NRIP1: variants seen among roughly 807,000 people sequenced by gnomAD.
The protein encoded by NRIP1 is nuclear receptor interacting protein 1, also known as nuclear receptor-interacting protein 1.
In NRIP1, 28 loss-of-function variants were observed where a neutral mutation model predicts 75.0. That is an observed-to-expected ratio of 0.37 (90% CI 0.28 to 0.51). The LOEUF is 0.51. NRIP1 is among the 20% of genes least tolerant of loss of function. NRIP1 has a pLI of 0.92. For missense variants in NRIP1, 1,435 were observed against 1,343.7 expected, an observed-to-expected ratio of 1.07 and a Z score of -1.06; for synonymous variants, 526 against 487.6, an observed-to-expected ratio of 1.08 and a Z score of -1.04.
chr21:15,058,005 CTT>C, intron 1 of NRIP1, among the ~76,000 whole-genome samples: 1 of 152,308 alleles, frequency 6.6e-6, no homozygotes, highest in African/African-American at 2.4e-5. Context: ...CCAATCATCT[CTT>C]CTTCTTTTAA....
intron 2 of NRIP1, among the ~76,000 whole-genome samples, chr21:15,029,434 C>G (rs1302057433): frequency 1.3e-5 from 2 of 152,150 alleles, no homozygotes; most frequent in African/African-American, 4.8e-5. Flanking sequence ...CTAAAACTTC[C>G]TGGACATCTC....
In NRIP1 at chr21:14,991,943, G is replaced by A. The variant is rs185205290; in HGVS notation, c.-335+22401C>T. On this transcript the variant is annotated intron_variant, in intron 3 of 3. Transcript: ENST00000318948. ...ACCTCATCCAGAATTAAAAAGCTGC[G>A]TTCCTTTCATCTTTTTTTTCCTTTT... 1.9e-3 allele frequency among the ~76,000 whole-genome samples: 288 copies of A among 152,200 alleles called. 1 individual carries two copies. The highest frequency in any genetic ancestry group is 3.0e-3 in the Non-Finnish European group (203 of 67,998).
intron 1 of NRIP1, among the ~76,000 whole-genome samples, chr21:15,061,870 ATCT>A (rs796079098): frequency 1.3e-5 from 2 of 152,180 alleles, no homozygotes; most frequent in African/African-American, 4.8e-5. Context: ...ATTAACAATA[ATCT>A]TCTTCCCTCT....
intron 1 of NRIP1, among the ~76,000 whole-genome samples, chr21:15,045,695 G>A (rs563482695): frequency 2.4e-4 from 37 of 152,298 alleles, no homozygotes; most frequent in Middle Eastern, 3.4e-3. Flanking sequence ...ATGTAATGCT[G>A]TTTGATAGCA....
chr21:15,047,268 G>A (rs56160483), intron 1 of NRIP1, among the ~76,000 whole-genome samples: 18,612 of 148,744 alleles, frequency 0.13, 2,177 homozygotes, highest in African/African-American at 0.32. Flanking sequence ...TCGGCCGGGC[G>A]CGGTGGCTCA....
rs761081090 is a variant in NRIP1 at position 14,965,627 on chromosome 21, G to A, written c.2566C>T (p.Pro856Ser). Residue 856 changes from proline (P) to serine (S), a missense_variant, in exon 4 of 4, where the codon CCT becomes TCT. By Grantham distance (74) the Pro-to-Ser change is moderately conservative. Transcript: ENST00000318948. ...TCAGTATAAAGCTTCCTTTTCTTAG[G>A]GACCATGCAAAGATTCTTTGATTCT... ...LLESKNLCMV[P>S]KKRKLYTEPL... The A allele has an allele frequency of 1.9e-6, 3 of 1,613,014 alleles. No individual in the cohort carries two copies. Among genetic ancestry groups the A allele is most frequent in the South Asian group, 1.1e-5 (1 of 90,972 alleles).
intron 3 of NRIP1, among the ~76,000 whole-genome samples, chr21:14,984,646 C>A (rs1163049783): frequency 6.6e-6 from 1 of 152,144 alleles, no homozygotes; most frequent in Non-Finnish European, 1.5e-5. Flanking sequence ...AAGAAGTTCT[C>A]CTGTGGGTAA....
At chr21:15,037,432 C>T (rs1277867843) in intron 2 of NRIP1, among the ~76,000 whole-genome samples, 6 of 152,156 alleles carry the variant, frequency 3.9e-5, no homozygotes, top group Non-Finnish European at 8.8e-5. Flanking sequence ...TGGGAGGCAT[C>T]AAGTTGAGTG....
intron 2 of NRIP1, among the ~76,000 whole-genome samples, chr21:15,026,864 G>A (rs955373598): frequency 6.6e-6 from 1 of 152,092 alleles, no homozygotes; most frequent in African/African-American, 2.4e-5. Context: ...TCTCATAACT[G>A]TACATATTAA....
At chr21:15,064,551 C>A (rs1413807243) in intron 1 of NRIP1, among the ~76,000 whole-genome samples, 194 bp downstream of exon 1, 1 of 151,932 alleles carries the variant, frequency 6.6e-6, no homozygotes, top group African/African-American at 2.4e-5. Context: ...GCCGCCCCGG[C>A]CCCCCGCGAG....
chr21:15,052,046 A>T (rs1377194574), intron 1 of NRIP1: 2 of 152,192 alleles, frequency 1.3e-5, no homozygotes, highest in East Asian at 3.8e-4. Flanking sequence ...TAAAATATTA[A>T]ATGCCAAGCT....
chr21:14,967,048 T>C lies in NRIP1; in HGVS notation c.1145A>G (p.His382Arg), dbSNP rs1219031996. ...KQAANNSLLL[H>R]LLKSQTIPKP... ...AGGTATAGTCTGGCTTTTAAGAAGA[T>C]GTAAAAGCAAACTATTGTTAGCAGC... The change falls in exon 4 of 4, where the codon CAT becomes CGT. Residue 382 changes from histidine (H) to arginine (R), a missense_variant. Physicochemically the swap from His to Arg is conservative, Grantham distance 29 (BLOSUM62 0). Transcript: ENST00000318948. 6.2e-6 allele frequency: 10 copies of C among 1,614,078 alleles called. No individual in the cohort carries two copies. Among genetic ancestry groups the C allele is most frequent in the South Asian group, 1.1e-5 (1 of 91,088 alleles).
At chr21:15,065,843 C>T (rs1978840599), upstream of NRIP1, 1 of 152,420 alleles carries the variant, frequency 6.6e-6, no homozygotes, top group Admixed American at 6.5e-5. Context: ...CTGCATCATC[C>T]CCGGGAAGGA....
intron 3 of NRIP1, among the ~76,000 whole-genome samples, chr21:14,986,425 T>C (rs556351743): frequency 1.2e-3 from 187 of 152,316 alleles, no homozygotes; most frequent in African/African-American, 4.1e-3. Context: ...TATTAGCATG[T>C]TACCATTAGT....
At chr21:15,002,575 T>C (rs1425925786) in intron 3 of NRIP1, among the ~76,000 whole-genome samples, 1 of 152,192 alleles carries the variant, frequency 6.6e-6, no homozygotes, top group Admixed American at 6.5e-5. Context: ...TGCCTCGTTT[T>C]TTTAATCTCA....
At chr21:15,009,618 T>C (rs2088053787) in intron 3 of NRIP1, among the ~76,000 whole-genome samples, 1 of 152,194 alleles carries the variant, frequency 6.6e-6, no homozygotes, top group African/African-American at 2.4e-5. Context: ...TCAGTATTCT[T>C]CAGAAAGTAG....
chr21:15,013,002 ATAGAAT>A (rs937958836), intron 3 of NRIP1, among the ~76,000 whole-genome samples: 1 of 152,174 alleles, frequency 6.6e-6, no homozygotes, highest in African/African-American at 2.4e-5. Flanking sequence ...GTTAATTTTA[ATAGAAT>A]TAGAAGTTCA....
intron 3 of NRIP1, among the ~76,000 whole-genome samples, chr21:15,006,653 T>A (rs2087979640): frequency 6.6e-6 from 1 of 152,088 alleles, no homozygotes; most frequent in Admixed American, 6.6e-5. Context: ...TATTCCCTTT[T>A]AAAAAAACAG....
chr21:14,986,956 C>A (rs2087421770), intron 3 of NRIP1, among the ~76,000 whole-genome samples: 1 of 152,272 alleles, frequency 6.6e-6, no homozygotes, highest in Admixed American at 6.5e-5. Context: ...ATGACAGAAT[C>A]ATAATTTAAA....
Sources: gnomAD v4.1 joint callset for allele counts (sites outside exome capture counted in the v4.1 genomes callset) on GRCh38, gnomAD v4.1.1 for gene constraint, MANE v1.5 for transcripts, NCBI Gene and HGNC (gene_info 2026-07-23, HGNC 2026-07-21) for gene names.